LVRN: variants seen among roughly 807,000 people sequenced by gnomAD.
LVRN encodes the protein aminopeptidase Q.
Under a neutral mutation model 111.4 loss-of-function variants are expected in LVRN, and 99 were observed. The ratio of observed to expected loss-of-function variants is 0.89; its 90% CI spans 0.76 to 1.05. LVRN has a LOEUF of 1.05. Ranked by LOEUF, LVRN falls within the 50% of genes least tolerant of loss-of-function variation. The pLI, the probability that LVRN is intolerant of heterozygous loss-of-function variation, is 0.00. For synonymous variants in LVRN, 488 were observed against 449.5 expected (o/e 1.09, Z -1.08); for missense variants, 1,414 against 1,206.8 (o/e 1.17, Z -2.54).
chr5:115,988,259 C>G (rs879094166), intron 4 of LVRN, among the ~76,000 whole-genome samples: 1 of 152,290 alleles, frequency 6.6e-6, no homozygotes, highest in Admixed American at 6.5e-5. Flanking sequence ...TCTCATACTG[C>G]AAGTCTGCAG....
chr5:116,008,488 T>C (rs1748422727), intron 13 of LVRN, among the ~76,000 whole-genome samples: 2 of 152,112 alleles, frequency 1.3e-5, no homozygotes, highest in African/African-American at 2.4e-5. Flanking sequence ...GGAAGGCATG[T>C]TGAAATTGAG....
chr5:115,985,567 C>T (rs914163733), intron 3 of LVRN, among the ~76,000 whole-genome samples: 1 of 152,282 alleles, frequency 6.6e-6, no homozygotes, highest in East Asian at 1.9e-4. Flanking sequence ...TAGAGGCACT[C>T]TCAGACTCAA....
At chr5:115,988,975 C>T (rs567629806) in intron 4 of LVRN, among the ~76,000 whole-genome samples, 2 of 152,292 alleles carry the variant, frequency 1.3e-5, no homozygotes, top group East Asian at 1.9e-4. Flanking sequence ...AGCACACCCT[C>T]TATCTAATTA....
At position 116,014,474 on chromosome 5, in the gene LVRN, C is replaced by A; in HGVS notation, c.2397C>A (p.Cys799Ter). 6.2e-7 allele frequency: 1 copy of A among 1,613,544 alleles called. No homozygotes were observed. The highest frequency in any genetic ancestry group is 8.5e-7 in the Non-Finnish European group (1 of 1,179,624). Residue 799 changes from cysteine to a stop codon, truncating the protein, a stop_gained, in exon 16 of 20, where the codon TGC (cysteine) becomes TGA (stop). Transcript: ENST00000357872. LOFTEE classifies it high-confidence loss of function. The stretch of plus-strand genomic sequence containing the variant: ...CGTGTTGGTTGGGCCTTGAAGACTG[C>A]CTTCAGCTGTCAAAAGAACTTTTCG... ...VTACWLGLED[C>*]LQLSKELFAK...
chr5:115,971,942 C>T (rs1753336164), intron 1 of LVRN, among the ~76,000 whole-genome samples: 1 of 116,232 alleles, frequency 8.6e-6, no homozygotes, highest in African/African-American at 3.1e-5. Context: ...ATTGAAGCTT[C>T]TAACCCATAA....
intron 6 of LVRN, among the ~76,000 whole-genome samples, chr5:115,997,948 A>G (rs915669767): frequency 1.3e-5 from 2 of 152,216 alleles, no homozygotes; most frequent in Non-Finnish European, 2.9e-5. Flanking sequence ...TTATAGTGAT[A>G]TCACGAAGAT....
intron 1 of LVRN, among the ~76,000 whole-genome samples, chr5:115,967,221 T>A (rs1753222251): frequency 6.6e-6 from 1 of 152,236 alleles, no homozygotes; most frequent in South Asian, 2.1e-4. Flanking sequence ...GCCTGAGAAC[T>A]CTTCACCAAG....
intron 1 of LVRN, among the ~76,000 whole-genome samples, chr5:115,969,675 C>T (rs1753280641): frequency 6.6e-6 from 1 of 152,000 alleles, no homozygotes; most frequent in South Asian, 2.1e-4. Flanking sequence ...TGGCATGCAC[C>T]TGTAGTCCCA....
chr5:116,010,273 A>G (rs1346678341), intron 13 of LVRN, among the ~76,000 whole-genome samples: 1 of 152,202 alleles, frequency 6.6e-6, no homozygotes, highest in African/African-American at 2.4e-5. Context: ...AAATCAAAAA[A>G]ATTGTATGAC....
intron 10 of LVRN, among the ~76,000 whole-genome samples, chr5:116,001,816 T>C (rs1025353390): frequency 3.3e-5 from 5 of 152,222 alleles, no homozygotes; most frequent in Admixed American, 2.0e-4. Flanking sequence ...TTAGGTATTA[T>C]TTAAGCTCTG....
intron 6 of LVRN, among the ~76,000 whole-genome samples, chr5:115,997,397 C>T (rs994538317): frequency 1.3e-5 from 2 of 152,128 alleles, no homozygotes; most frequent in African/African-American, 2.4e-5. Context: ...TGTGTGGTGG[C>T]TCATGCCTGT....
At chr5:116,008,780 T>C (rs535486059) in intron 13 of LVRN, among the ~76,000 whole-genome samples, 3 of 152,172 alleles carry the variant, frequency 2.0e-5, no homozygotes, top group Non-Finnish European at 4.4e-5. Context: ...CAGGAAAAGG[T>C]GCTAGTTTAA....
At chr5:115,971,992 C>G (rs1235951301) in intron 1 of LVRN, among the ~76,000 whole-genome samples, 1 of 152,026 alleles carries the variant, frequency 6.6e-6, no homozygotes, top group Non-Finnish European at 1.5e-5. Context: ...GTCTTCTTTA[C>G]TCAGTTTTGA....
At chr5:115,987,209 G>C (rs1747888823) in intron 3 of LVRN, among the ~76,000 whole-genome samples, 1 of 152,106 alleles carries the variant, frequency 6.6e-6, no homozygotes, top group Non-Finnish European at 1.5e-5. Context: ...AAGTGGAAGT[G>C]TCATTTGGCA....
Position 116,015,272 on chromosome 5 carries a change from A to T in LVRN, c.2471A>T (p.Asp824Val), listed in dbSNP as rs1330475609. 1.2e-6 allele frequency: 2 copies of T among 1,602,030 alleles called. No individual in the cohort carries two copies. Among genetic ancestry groups the T allele is most frequent in the African/African-American group, 2.7e-5 (2 of 74,312 alleles). ...TACAGAATACCTTATCCAATTAAAG[A>T]TGTGGTTTTATGTTATGGCATTGCC... ...PENEIPYPIKDVVLCYGIALG... is the reference protein window; with the variant it reads ...PENEIPYPIKVVVLCYGIALG... The change falls in exon 17 of 20, where the codon GAT (aspartate) becomes GTT (valine). Residue 824 changes from aspartate (D) to valine (V), a missense_variant. By Grantham distance (152) the Asp-to-Val change is radical (BLOSUM62 -3). Coordinates refer to ENST00000357872, the MANE Select transcript of LVRN (RefSeq NM_173800.5).
intron 7 of LVRN, among the ~76,000 whole-genome samples, 156 bp downstream of exon 7, chr5:116,000,058 T>C (rs1301319580): frequency 1.3e-5 from 2 of 152,248 alleles, no homozygotes; most frequent in African/African-American, 4.8e-5. Context: ...CATGATTAAA[T>C]TAATTCTCAC....
chr5:115,988,062 G>A, intron 4 of LVRN, 123 bp downstream of exon 4: 1 of 1,334,836 alleles, frequency 7.5e-7, no homozygotes, highest in Non-Finnish European at 1.0e-6. Flanking sequence ...CTGGTTTGGA[G>A]TTAGCCTCCT....
At chr5:115,985,683 C>A (rs1035026678) in intron 3 of LVRN, among the ~76,000 whole-genome samples, 2 of 152,204 alleles carry the variant, frequency 1.3e-5, no homozygotes, top group Admixed American at 6.5e-5. Flanking sequence ...CTGGAGCATG[C>A]AACACTTTTT....
At chr5:116,017,567 T>C (rs959971837) in intron 18 of LVRN, among the ~76,000 whole-genome samples, 28 of 152,316 alleles carry the variant, frequency 1.8e-4, no homozygotes, top group African/African-American at 4.8e-4. Flanking sequence ...TTTTCATGTA[T>C]CCACTAGATA....
Sources: allele counts gnomAD v4.1 joint callset (sites outside exome capture counted in the v4.1 genomes callset), GRCh38; gene constraint gnomAD v4.1.1; transcripts MANE v1.5; gene names NCBI Gene and HGNC (gene_info 2026-07-23, HGNC 2026-07-21).